Variants in HLTF observed in about 807,000 individuals in gnomAD.
HLTF encodes helicase like transcription factor, also known as DNA-dependent ATPase/E3 ubiquitin-protein ligase HLTF.
In HLTF, 127 loss-of-function variants were observed where a neutral mutation model predicts 129.4. The ratio of observed to expected loss-of-function variants is 0.98; its 90% CI spans 0.85 to 1.14. The LOEUF is 1.14. Ranked by LOEUF, HLTF falls within the 50% of genes most tolerant of loss-of-function variation. HLTF has a pLI of 0.00. For missense variants in HLTF, 1,139 were observed against 1,187.1 expected, an observed-to-expected ratio of 0.96 and a Z score of 0.60; for synonymous variants, 332 against 388.8, an observed-to-expected ratio of 0.85 and a Z score of 1.72.
At chr3:149,079,404 A>C (rs1559884199) in intron 2 of HLTF, among the ~76,000 whole-genome samples, 1 of 125,822 alleles carries the variant, frequency 7.9e-6, no homozygotes, top group Admixed American at 8.7e-5. Flanking sequence ...AAAAAAAAAA[A>C]AAAAAAAATT....
At chr3:149,079,579 G>C (rs1402349037) in intron 2 of HLTF, among the ~76,000 whole-genome samples, 1 of 151,408 alleles carries the variant, frequency 6.6e-6, no homozygotes, top group Admixed American at 6.6e-5. Context: ...TGTGAGCAAA[G>C]GTTTTTTTGG....
rs781368125 is a variant in HLTF at position 149,086,315 on chromosome 3, A to G, written c.20+2T>C. Reference sequence around the variant, plus strand: ...GCGCCCCACCCCCTCCGCCCCCTTCACCTCTTGAACATCCAGGACATGGCG... The same window carrying G: ...GCGCCCCACCCCCTCCGCCCCCTTCGCCTCTTGAACATCCAGGACATGGCG... On this transcript the variant is annotated splice_donor_variant, in intron 1 of 24. Coordinates refer to ENST00000310053, the MANE Select transcript of HLTF (RefSeq NM_003071.4). LOFTEE classifies it high-confidence loss of function. 1 of 1,602,284 alleles carries G rather than the reference A, an allele frequency of 6.2e-7. No homozygotes were observed. Among genetic ancestry groups the G allele is most frequent in the Non-Finnish European group, 8.5e-7 (1 of 1,174,342 alleles).
At chr3:149,058,606 C>T (rs78116525) in intron 13 of HLTF, among the ~76,000 whole-genome samples, 2,988 of 152,112 alleles carry the variant, frequency 0.02, 113 homozygotes, top group African/African-American at 0.068. Flanking sequence ...TTTATGGCAC[C>T]TTTTGATGCA....
chr3:149,068,476 A>G, intron 7 of HLTF, 141 bp from the exon 8 acceptor site: 1 of 436,588 alleles, frequency 2.3e-6, no homozygotes, highest in Non-Finnish European at 4.1e-6. Flanking sequence ...ATGAAAAATG[A>G]GTATTTCATT....
Position 149,040,143 on chromosome 3 carries a change from C to T in HLTF, c.2390G>A (p.Cys797Tyr), listed in dbSNP as rs956141723. The T allele has an allele frequency of 1.2e-6, 2 of 1,606,434 alleles. No individual in the cohort carries two copies. The highest frequency in any genetic ancestry group is 1.7e-6 in the Non-Finnish European group (2 of 1,177,500). ...VIQNEQPHAK[C>Y]PLCRNDIHED... is the part of the protein sequence containing the mutation. ...ATGTATATCATTTCTGCATAAAGGG[C>T]ATTTAGCATGTGGCTATATAAGAAA... Residue 797 changes from cysteine to tyrosine, a missense_variant, in exon 21 of 25, where the codon TGC (cysteine) becomes TAC (tyrosine). Physicochemically the swap from Cys to Tyr is radical, Grantham distance 194. Transcript: ENST00000310053.
At chr3:149,036,789 G>A (rs1007937559) in intron 23 of HLTF, among the ~76,000 whole-genome samples, 1 of 152,044 alleles carries the variant, frequency 6.6e-6, no homozygotes, top group Non-Finnish European at 1.5e-5. Context: ...AGACTTTCAT[G>A]AGCAAATTTT....
rs749212225 is a variant in HLTF at position 149,074,210 on chromosome 3, C to T, written c.529+5G>A. Reference sequence around the variant, plus strand: ...GAATAATATTAAGTGAAACCCTAAACTTACTTTTTGGTGCAGGACCCAATT... The same window carrying T: ...GAATAATATTAAGTGAAACCCTAAATTTACTTTTTGGTGCAGGACCCAATT... On this transcript the variant is annotated splice_donor_5th_base_variant and intron_variant, in intron 4 of 24. Coordinates refer to ENST00000310053, the MANE Select transcript of HLTF (RefSeq NM_003071.4). The T allele has an allele frequency of 3.7e-6, 6 of 1,609,930 alleles. No homozygotes were observed. In the East Asian group the frequency reaches 1.1e-4, roughly 30 times the overall value.
chr3:149,039,694 C>G lies in HLTF; in HGVS notation c.2503-1G>C. 6.7e-7 allele frequency: 1 copy of G among 1,498,842 alleles called. No individual in the cohort carries two copies. Among genetic ancestry groups the G allele is most frequent in the Non-Finnish European group, 9.1e-7 (1 of 1,100,470 alleles). The allele number at this position is 1,498,842 out of a possible 1,614,324, so 92.8% of individuals were successfully genotyped here. A position where few individuals can be genotyped will look rare whatever the true frequency, so the allele number is the denominator to read the frequency against. ...TCAATGCGTGCATTAGCGCATTAAT[C>G]TGCAAAAAATATTAAGATGTCCATT... On this transcript the variant is annotated splice_acceptor_variant, in intron 21 of 24. Transcript: ENST00000310053. LOFTEE classifies it high-confidence loss of function.
chr3:149,035,986 T>G (rs1715578092), intron 23 of HLTF, among the ~76,000 whole-genome samples: 1 of 151,378 alleles, frequency 6.6e-6, no homozygotes, highest in African/African-American at 2.4e-5. Context: ...ATACAAAAAA[T>G]TAGCCGGGCG....
chr3:149,049,833 A>G (rs928983677), intron 15 of HLTF, among the ~76,000 whole-genome samples: 2 of 152,174 alleles, frequency 1.3e-5, no homozygotes, highest in Non-Finnish European at 2.9e-5. Flanking sequence ...TCTCTGCTGA[A>G]TAACAAAAAT....
chr3:149,031,660 A>G lies in HLTF; in HGVS notation c.*560T>C, dbSNP rs1327197733. On this transcript the variant is annotated 3_prime_UTR_variant, in exon 25 of 25. Transcript: ENST00000310053. Reference sequence around the variant, plus strand: ...AGTCATTTATGTGAACTATATCTCAATGTAGCTGTAGGAAAAATAAAAACC... The same window carrying G: ...AGTCATTTATGTGAACTATATCTCAGTGTAGCTGTAGGAAAAATAAAAACC... The G allele has an allele frequency of 6.6e-6, 1 of 152,312 alleles. No homozygotes were observed. Among genetic ancestry groups the G allele is most frequent in the Admixed American group, 6.5e-5 (1 of 15,302 alleles). The allele number at this position is 152,312 out of a possible 1,614,324, so 9.4% of individuals were successfully genotyped here.
chr3:149,032,263 T>C lies in HLTF; in HGVS notation c.2987A>G (p.Lys996Arg), dbSNP rs1177825906. The C allele has an allele frequency of 4.4e-6, 7 of 1,599,866 alleles. No homozygotes were observed. Among genetic ancestry groups the C allele is most frequent in the Non-Finnish European group, 5.1e-6 (6 of 1,175,352 alleles). The change falls in exon 25 of 25, where the codon AAA becomes AGA. Residue 996 changes from lysine (K) to arginine (R), a missense_variant. By Grantham distance (26) the Lys-to-Arg change is conservative. Transcript: ENST00000310053. ...GTKKPNADEM[K>R]QAKINEIRTL... is the part of the protein sequence containing the mutation. ...TCTGATTTCATTAATTTTGGCTTGTTTCATTTCGTCAGCATTTGGTTTTTT... is the reference window on the plus strand; with the variant it reads ...TCTGATTTCATTAATTTTGGCTTGTCTCATTTCGTCAGCATTTGGTTTTTT...
Position 149,050,369 on chromosome 3 carries a change from A to G in HLTF, c.1480T>C (p.Phe494Leu). The change falls in exon 15 of 25, where the codon TTT becomes CTT. Residue 494 changes from phenylalanine (F) to leucine (L), a missense_variant. Phe to Leu is a conservative substitution (Grantham distance 22, BLOSUM62 0). Transcript: ENST00000310053. ...ACATCTGATTTTATATGTTGTCCAA[A>G]CTGGTCCTAAAGAAAAATTAGGAAT... ...LSVLSNWIDQ[F>L]GQHIKSDVHL... 4 of 1,567,662 alleles carry G rather than the reference A, an allele frequency of 2.6e-6. No homozygotes were observed. Among genetic ancestry groups the G allele is most frequent in the Non-Finnish European group, 3.5e-6 (4 of 1,153,946 alleles).
At chr3:149,068,204 G>A in intron 8 of HLTF, 36 bp downstream of exon 8, 1 of 818,252 alleles carries the variant, frequency 1.2e-6, no homozygotes, top group Non-Finnish European at 2.0e-6. Flanking sequence ...CAATAAACTG[G>A]AGGTTTCACA....
Position 149,055,245 on chromosome 3 carries a change from T to C in HLTF, c.1473+58A>G, listed in dbSNP as rs1224208975. 4.9e-6 allele frequency: 6 copies of C among 1,235,630 alleles called. No homozygotes were observed. In the Admixed American group the frequency reaches 1.1e-4, roughly 22 times the overall value. The allele number at this position is 1,235,630 out of a possible 1,614,324, so 76.5% of individuals were successfully genotyped here. ...TGAATGACTCTTTAACAGAATACTT[T>C]CTACCTTGTAGATAAAATATAAATT... On this transcript the variant is annotated intron_variant, in intron 14 of 24. Coordinates refer to ENST00000310053, the MANE Select transcript of HLTF (RefSeq NM_003071.4).
rs558512869 is a variant in HLTF, at chr3:149,084,782, A to G, written c.128T>C (p.Ile43Thr). The G allele has an allele frequency of 1.2e-6, 2 of 1,614,080 alleles. No individual in the cohort carries two copies. Among genetic ancestry groups the G allele is most frequent in the African/African-American group, 1.3e-5 (1 of 75,056 alleles). Residue 43 changes from isoleucine to threonine, a missense_variant, in exon 2 of 25, where the codon ATC becomes ACC. Coordinates refer to ENST00000310053, the MANE Select transcript of HLTF (RefSeq NM_003071.4). ...FFPRFEFQDV[I>T]PPDDFLTSDE... ...ACTAGTTAGAAAGTCATCTGGAGGG[A>G]TAACATCTTGGAATTCAAAACGTGG...
intron 2 of HLTF, among the ~76,000 whole-genome samples, chr3:149,080,912 A>AATGAC (rs1184356998): frequency 2.0e-5 from 3 of 152,314 alleles, no homozygotes; most frequent in Admixed American, 2.0e-4. Flanking sequence ...ACATTTCAGC[A>AATGAC]ATGACAGACC....
At chr3:149,053,256 T>G (rs2107997814) in intron 14 of HLTF, among the ~76,000 whole-genome samples, 3 of 152,304 alleles carry the variant, frequency 2.0e-5, no homozygotes, top group Admixed American at 2.0e-4. Flanking sequence ...TCTCCAGAGT[T>G]GGATGAGGGG....
rs1420622174 is a variant in HLTF at position 149,060,668 on chromosome 3, CTG to C, written c.1258_1259del (p.Gln420ValfsTer2). 2 of 1,613,178 alleles carry C rather than the reference CTG, an allele frequency of 1.2e-6. No homozygotes were observed. Among genetic ancestry groups the C allele is most frequent in the Non-Finnish European group, 1.7e-6 (2 of 1,179,408 alleles). The part of the protein sequence containing the change: ...QKMKGKLKNV[Q>X]SETKGRAKAG... ...CTTTCGCCCTGCCTTTAGTTTCAGA[CTG>C]TACATTTTTCAGTTTGCCTAAAAAT... On this transcript the variant is annotated frameshift_variant, in exon 12 of 25. Transcript: ENST00000310053. LOFTEE classifies it high-confidence loss of function.
Sources: allele counts gnomAD v4.1 joint callset (sites outside exome capture counted in the v4.1 genomes callset), GRCh38; gene constraint gnomAD v4.1.1; transcripts MANE v1.5; gene names NCBI Gene and HGNC (gene_info 2026-07-23, HGNC 2026-07-21).